ESR1: variants seen among roughly 807,000 people sequenced by gnomAD.
ESR1 encodes estrogen receptor.
A neutral mutation model predicts 52.7 loss-of-function variants in ESR1; 12 were observed. The observed-to-expected ratio is 0.23, with a 90% CI of 0.15 to 0.37. The LOEUF is 0.37. Ranked by LOEUF, ESR1 falls within the 10% of genes least tolerant of loss-of-function variation. The probability of loss-of-function intolerance (pLI) is 1.00; values close to 1 mark genes in which losing one functional copy is unlikely to be tolerated. For missense variants in ESR1, 584 were observed against 779.7 expected (o/e 0.75, Z 2.99); for synonymous variants, 305 against 316.8 (o/e 0.96, Z 0.39).
chr6:152,083,050 A>C (rs1231045567), intron 6 of ESR1, among the ~76,000 whole-genome samples: 3 of 152,248 alleles, frequency 2.0e-5, no homozygotes, highest in Non-Finnish European at 4.4e-5. Context: ...AAGGTAATTT[A>C]TAGATTCAGT....
rs534020255 is a variant in ESR1 at position 151,858,516 on chromosome 6, C to A, written c.643+15729C>A. On this transcript the variant is annotated intron_variant, in intron 2 of 7. Transcript: ENST00000206249. ...CTGACTCATCAGCCTGGAAACAGTGCCTGACCCTCACTTTGATTGTTTGAA... is the reference window on the plus strand; with the variant it reads ...CTGACTCATCAGCCTGGAAACAGTGACTGACCCTCACTTTGATTGTTTGAA... Among the ~76,000 whole-genome samples the A allele has an allele frequency of 2.6e-5, 4 of 152,094 alleles. No homozygotes were observed. The South Asian group carries it at 8.3e-4, about 32-fold the overall frequency.
chr6:151,710,616 A>C (rs1360930266), intron 2 of ESR1, among the ~76,000 whole-genome samples: 2 of 152,152 alleles, frequency 1.3e-5, no homozygotes, highest in Non-Finnish European at 2.9e-5. Flanking sequence ...ATACATGTGC[A>C]GAACGTGCAG....
At chr6:152,018,950 A>C (rs959341813) in intron 5 of ESR1, among the ~76,000 whole-genome samples, 6 of 152,194 alleles carry the variant, frequency 3.9e-5, no homozygotes, top group African/African-American at 1.4e-4. Flanking sequence ...GATAGGAAAG[A>C]GTTTTGCTAG....
At chr6:152,127,508 A>G (rs191548794) in exon 7 of ESR1, 2 of 152,320 alleles carry the variant, frequency 1.3e-5, no homozygotes, top group East Asian at 3.9e-4. Flanking sequence ...GGTTGGCTGG[A>G]TTCGGCCTTT....
chr6:152,079,836 G>A (rs956226850), intron 6 of ESR1, among the ~76,000 whole-genome samples: 13 of 152,168 alleles, frequency 8.5e-5, no homozygotes, highest in African/African-American at 3.1e-4. Context: ...TGAGAACTTC[G>A]TGATGTATGC....
At position 151,719,980 on chromosome 6, in the gene ESR1, A is replaced by G. The variant is rs1781344062; in HGVS notation, c.-71+17975A>G. ...GTTTAGAAACATGATTCAACTAGCT[A>G]CATGACTAAACTAGCAGCTGTCAGA... On this transcript the variant is annotated intron_variant, in intron 2 of 2. Coordinates refer to the ESR1 transcript ENST00000404742. Among the ~76,000 whole-genome samples, 2 of 152,224 alleles carry G rather than the reference A, an allele frequency of 1.3e-5. 1 individual carries two copies. The highest frequency in any genetic ancestry group is 4.1e-4 in the South Asian group (2 of 4,832).
At chr6:151,939,526 G>A (rs964792062) in intron 3 of ESR1, among the ~76,000 whole-genome samples, 3 of 152,078 alleles carry the variant, frequency 2.0e-5, no homozygotes, top group Non-Finnish European at 4.4e-5. Flanking sequence ...TAGTGACACA[G>A]GCTGTTATTT....
chr6:152,094,095 G>C lies in ESR1; in HGVS notation c.1370-290G>C, dbSNP rs1428578556. 6.6e-6 allele frequency among the ~76,000 whole-genome samples: 1 copy of C among 152,226 alleles called. No individual in the cohort carries two copies. Among genetic ancestry groups the C allele is most frequent in the Admixed American group, 6.5e-5 (1 of 15,286 alleles). ...ATTCATGATGGTGTCAGACCTGTCT[G>C]AGAAAAGGTGGCCCATGTTACCATG... On this transcript the variant is annotated intron_variant, in intron 6 of 7. Coordinates refer to ENST00000206249, the MANE Select transcript of ESR1 (RefSeq NM_000125.4). This position sits in a 1 kb window ranked among gnomAD's most constrained non-coding sequence, Gnocchi z 4.6.
At chr6:151,662,525 G>A (rs549630841) in intron 1 of ESR1, among the ~76,000 whole-genome samples, 12 of 152,166 alleles carry the variant, frequency 7.9e-5, no homozygotes, top group Non-Finnish European at 1.6e-4. Context: ...CCAGCTCAGC[G>A]TCTGTGCTGT....
intron 5 of ESR1, among the ~76,000 whole-genome samples, chr6:152,031,079 T>C (rs552470232): frequency 6.6e-6 from 1 of 152,298 alleles, no homozygotes; most frequent in East Asian, 1.9e-4. Context: ...AAAGATGTTC[T>C]TTGAAACCAA....
intron 6 of ESR1, among the ~76,000 whole-genome samples, chr6:152,078,048 G>T (rs1422971337): frequency 6.6e-6 from 1 of 152,106 alleles, no homozygotes; most frequent in Non-Finnish European, 1.5e-5. Flanking sequence ...TTGGCTCTGT[G>T]TCCCCACCCA....
At chr6:152,108,806 A>G (rs77527532) in intron 6 of ESR1, among the ~76,000 whole-genome samples, 2,477 of 152,320 alleles carry the variant, frequency 0.016, 78 homozygotes, top group African/African-American at 0.057. Flanking sequence ...TAAACTCAGA[A>G]TTACCACGTT....
chr6:151,743,879 C>A (rs1386745114), intron 2 of ESR1, among the ~76,000 whole-genome samples: 1 of 152,110 alleles, frequency 6.6e-6, no homozygotes, highest in Non-Finnish European at 1.5e-5. Context: ...ATTTTCATCA[C>A]CCCAGAGCCA....
chr6:152,122,451 G>C (rs1327376542), intron 6 of ESR1: 11 of 1,614,032 alleles, frequency 6.8e-6, no homozygotes, highest in South Asian at 6.6e-5. Context: ...GTGGAGGAGG[G>C]CCATTCGTGT....
At chr6:151,899,883 G>A (rs1484925051) in intron 3 of ESR1, among the ~76,000 whole-genome samples, 1 of 151,860 alleles carries the variant, frequency 6.6e-6, no homozygotes, top group African/African-American at 2.4e-5. Context: ...TGGGATGGCG[G>A]CTGGGCAGAG....
intron 4 of ESR1, among the ~76,000 whole-genome samples, chr6:151,964,035 G>C (rs1200547361): frequency 2.6e-5 from 4 of 152,138 alleles, no homozygotes; most frequent in African/African-American, 9.7e-5. Flanking sequence ...TCATGTGTCT[G>C]TTTTTATGCC....
At chr6:152,064,126 G>A (rs986684809) in intron 6 of ESR1, among the ~76,000 whole-genome samples, 2 of 152,230 alleles carry the variant, frequency 1.3e-5, no homozygotes, top group African/African-American at 4.8e-5. Flanking sequence ...CACGTTGTTT[G>A]TTTTTCCACT....
intron 5 of ESR1, among the ~76,000 whole-genome samples, chr6:152,029,843 A>T (rs1562695141): frequency 6.6e-6 from 1 of 152,208 alleles, no homozygotes; most frequent in Non-Finnish European, 1.5e-5. Flanking sequence ...TAATTGACAG[A>T]TTCACCAAAG....
intron 2 of ESR1, among the ~76,000 whole-genome samples, chr6:151,706,075 CT>C (rs576217694): frequency 2.1e-4 from 32 of 152,118 alleles, no homozygotes; most frequent in Non-Finnish European, 3.8e-4. Context: ...GTTATTTGGA[CT>C]TTTGGGTTCC....
Sources: allele counts gnomAD v4.1 joint callset (sites outside exome capture counted in the v4.1 genomes callset), GRCh38; gene constraint gnomAD v4.1.1; non-coding constraint Gnocchi (gnomAD v3.1); transcripts MANE v1.5; gene names NCBI Gene and HGNC (gene_info 2026-07-23, HGNC 2026-07-21).